Variants in ZNF136 observed in about 807,000 individuals in gnomAD.
ZNF136 encodes zinc finger protein 136, also known as zinc finger protein 136 (clone pHZ-20).
In ZNF136, 8 loss-of-function variants were observed where a neutral mutation model predicts 11.4. The ratio of observed to expected loss-of-function variants is 0.70; its 90% CI spans 0.41 to 1.27. The LOEUF (loss-of-function observed/expected upper bound fraction) is 1.27. ZNF136 is among the 50% of genes most tolerant of loss of function. ZNF136 has a pLI of 0.01. For missense variants in ZNF136, 590 were observed against 656.5 expected (o/e 0.90, Z 1.11); for synonymous variants, 190 against 207.1 (o/e 0.92, Z 0.71).
intron 1 of ZNF136, among the ~76,000 whole-genome samples, chr19:12,175,272 G>T (rs911152963): frequency 6.6e-6 from 1 of 151,372 alleles, no homozygotes; most frequent in Non-Finnish European, 1.5e-5. Context: ...TTGGCTCACC[G>T]CAACCTCCAC....
chr19:12,170,016 G>C (rs538037816), intron 1 of ZNF136, among the ~76,000 whole-genome samples: 4 of 143,838 alleles, frequency 2.8e-5, no homozygotes, highest in Non-Finnish European at 4.6e-5. Flanking sequence ...GGGTGGTCTC[G>C]ATCTCCTGAC....
rs556194994 is a variant in ZNF136 at position 12,170,090 on chromosome 19, G to A, written c.3+6884G>A. 8.1e-5 allele frequency among the ~76,000 whole-genome samples: 12 copies of A among 147,780 alleles called. No individual in the cohort carries two copies. The South Asian group carries it at 1.5e-3, about 19-fold the overall frequency. ...ATTACAGGCGTGAGCCACCACGCCC[G>A]GCCATTTTTTTGTATTTTTAGTAGA... On this transcript the variant is annotated intron_variant, in intron 1 of 3. Transcript: ENST00000343979.
chr19:12,178,921 G>A (rs927535885), intron 1 of ZNF136, among the ~76,000 whole-genome samples: 4 of 151,742 alleles, frequency 2.6e-5, no homozygotes, highest in African/African-American at 9.7e-5. Flanking sequence ...CCTGGGAGGC[G>A]GAGCTTGCAG....
At chr19:12,175,210 G>A (rs535490429) in intron 1 of ZNF136, among the ~76,000 whole-genome samples, 7 of 149,840 alleles carry the variant, frequency 4.7e-5, no homozygotes, top group Admixed American at 4.6e-4. Context: ...TTTTTTTTTG[G>A]GGGGGACAGA....
intron 1 of ZNF136, chr19:12,184,537 C>CA (rs1440718797): frequency 1.5e-5 from 2 of 135,788 alleles, no homozygotes; most frequent in Non-Finnish European, 3.1e-5. Context: ...GCCTGGGCAA[C>CA]AGAGAGCCAG....
intron 1 of ZNF136, among the ~76,000 whole-genome samples, chr19:12,182,621 A>T (rs1338832877): frequency 6.6e-6 from 1 of 152,262 alleles, no homozygotes; most frequent in East Asian, 1.9e-4. Context: ...GAGGGGAAAG[A>T]CAGAAAATGA....
In ZNF136 at chr19:12,186,951, T is replaced by C; in HGVS notation, c.573T>C (p.Ser191=). 1 of 1,614,046 alleles carries C rather than the reference T, an allele frequency of 6.2e-7. No homozygotes were observed. The highest frequency in any genetic ancestry group is 8.5e-7 in the Non-Finnish European group (1 of 1,180,004). ...TTAGAAGACACATCATCACACACAG[T>C]GGATATACACCATATAAATGTAAGG... The part of the protein sequence containing the change: ...KRIRRHIITH[S]GYTPYKCKVC... Residue 191 remains serine (S), a synonymous_variant, in exon 4 of 4, where the codon AGT becomes AGC. Transcript: ENST00000343979.
intron 1 of ZNF136, among the ~76,000 whole-genome samples, chr19:12,179,563 G>A (rs1219929963): frequency 6.6e-6 from 1 of 151,960 alleles, no homozygotes; most frequent in African/African-American, 2.4e-5. Context: ...TGCCAGCCTC[G>A]GCCTCCCAAA....
chr19:12,163,413 G>T (rs1599449189), intron 1 of ZNF136, among the ~76,000 whole-genome samples: 1 of 152,238 alleles, frequency 6.6e-6, no homozygotes, highest in Admixed American at 6.5e-5. Context: ...GTCCCGCCCT[G>T]TGCCGCGATT....
chr19:12,166,357 T>C (rs1977186872), intron 1 of ZNF136, among the ~76,000 whole-genome samples: 1 of 152,172 alleles, frequency 6.6e-6, no homozygotes, highest in South Asian at 2.1e-4. Flanking sequence ...TGACTTGAAA[T>C]GGAATTCCAG....
chr19:12,186,574 C>A lies in ZNF136; in HGVS notation c.196C>A (p.His66Asn). The change falls in exon 4 of 4, where the codon CAT becomes AAT. Residue 66 changes from histidine (H) to asparagine (N), a missense_variant. Physicochemically the swap from His to Asn is moderately conservative, Grantham distance 68 (BLOSUM62 1). Coordinates refer to ENST00000343979, the MANE Select transcript of ZNF136 (RefSeq NM_003437.5). ...TGTCCGTCTCATTTTTTACAGAAGTCATATGTTAGAAAGACTCTATCAAAC... is the reference window on the plus strand; with the variant it reads ...TGTCCGTCTCATTTTTTACAGAAGTAATATGTTAGAAAGACTCTATCAAAC... ...YKHRGRNLRS[H>N]MLERLYQTKD... 1.3e-6 allele frequency: 2 copies of A among 1,599,132 alleles called. No individual in the cohort carries two copies. The highest frequency in any genetic ancestry group is 2.3e-5 in the South Asian group (2 of 88,740).
chr19:12,187,942 C>T lies in ZNF136; in HGVS notation c.1564C>T (p.His522Tyr). Residue 522 changes from histidine to tyrosine, a missense_variant, in exon 4 of 4, where the codon CAC (histidine) becomes TAC (tyrosine). By Grantham distance (83) the His-to-Tyr change is moderately conservative. Coordinates refer to ENST00000343979, the MANE Select transcript of ZNF136 (RefSeq NM_003437.5). ...TTCTTGCCGTGCCAGCTTTCAGAGACACATGTTAACACATGCTGAAGATGG... is the reference window on the plus strand; with the variant it reads ...TTCTTGCCGTGCCAGCTTTCAGAGATACATGTTAACACATGCTGAAGATGG... ...AYSCRASFQR[H>Y]MLTHAEDGPP... The T allele has an allele frequency of 6.4e-7, 1 of 1,553,286 alleles. No homozygotes were observed. Among genetic ancestry groups the T allele is most frequent in the East Asian group, 2.2e-5 (1 of 44,658 alleles).
At chr19:12,186,488 T>G (rs1915086736) in intron 3 of ZNF136, 82 bp from the exon 4 acceptor site, 1 of 1,188,808 alleles carries the variant, frequency 8.4e-7, no homozygotes, top group Non-Finnish European at 1.2e-6. Context: ...CTTTACCTGA[T>G]AATATTGAAA....
In ZNF136 at chr19:12,187,353, A is replaced by G. The variant is rs143175578; in HGVS notation, c.975A>G (p.Leu325=). 156 of 1,614,118 alleles carry G rather than the reference A, an allele frequency of 9.7e-5. 1 individual carries two copies. In the African/African-American group the frequency reaches 1.8e-3, roughly 18 times the overall value. The change falls in exon 4 of 4, where the codon CTA becomes CTG. Residue 325 remains leucine, a synonymous_variant. Coordinates refer to ENST00000343979, the MANE Select transcript of ZNF136 (RefSeq NM_003437.5). Reference sequence around the variant, plus strand: ...TCAGTTATCTCCCCTCCCTTCGACTACATGAAAGAATTCACACTGGTGAGA... The same window carrying G: ...TCAGTTATCTCCCCTCCCTTCGACTGCATGAAAGAATTCACACTGGTGAGA... ...KAFSYLPSLR[L]HERIHTGEKP...
chr19:12,184,142 T>C (rs1332823418), intron 1 of ZNF136, among the ~76,000 whole-genome samples: 2 of 152,054 alleles, frequency 1.3e-5, no homozygotes, highest in African/African-American at 4.8e-5. Flanking sequence ...GGCACGTGCC[T>C]GTACTCCCAC....
At chr19:12,167,967 A>G (rs976825952) in intron 1 of ZNF136, among the ~76,000 whole-genome samples, 7 of 152,048 alleles carry the variant, frequency 4.6e-5, no homozygotes, top group African/African-American at 1.7e-4. Flanking sequence ...GACTCATGCA[A>G]AGATACCTTT....
chr19:12,187,911 A>G lies in ZNF136; in HGVS notation c.1533A>G (p.Lys511=). 6.3e-7 allele frequency: 1 copy of G among 1,586,226 alleles called. No individual in the cohort carries two copies. Among genetic ancestry groups the G allele is most frequent in the Non-Finnish European group, 8.5e-7 (1 of 1,171,086 alleles). Residue 511 remains lysine (K), a synonymous_variant, in exon 4 of 4, where the codon AAA becomes AAG. Coordinates refer to ENST00000343979, the MANE Select transcript of ZNF136 (RefSeq NM_003437.5). ...QKPYHCKECG[K]AYSCRASFQR... ...CCTATCATTGCAAGGAATGTGGGAAAGCCTATTCTTGCCGTGCCAGCTTTC... is the reference window on the plus strand; with the variant it reads ...CCTATCATTGCAAGGAATGTGGGAAGGCCTATTCTTGCCGTGCCAGCTTTC...
chr19:12,164,879 G>A (rs1433624606), intron 1 of ZNF136: 1 of 152,150 alleles, frequency 6.6e-6, no homozygotes, highest in African/African-American at 2.4e-5. Flanking sequence ...CCACAAGTAG[G>A]TATAATCAAC....
intron 1 of ZNF136, among the ~76,000 whole-genome samples, chr19:12,168,015 A>G (rs1268911401): frequency 2.0e-5 from 3 of 149,318 alleles, no homozygotes; most frequent in African/African-American, 7.4e-5. Context: ...AAATAAAGCC[A>G]GATACTGACT....
Sources: allele counts gnomAD v4.1 joint callset (sites outside exome capture counted in the v4.1 genomes callset), GRCh38; gene constraint gnomAD v4.1.1; transcripts MANE v1.5; gene names NCBI Gene and HGNC (gene_info 2026-07-23, HGNC 2026-07-21).